Variants in NOS1AP observed in about 807,000 individuals in gnomAD.
The protein encoded by NOS1AP is carboxyl-terminal PDZ ligand of neuronal nitric oxide synthase protein.
A neutral mutation model predicts 56.2 loss-of-function variants in NOS1AP; 21 were observed. The ratio of observed to expected loss-of-function variants is 0.37; its 90% confidence interval spans 0.26 to 0.54. The LOEUF (loss-of-function observed/expected upper bound fraction) is 0.54. Ranked by LOEUF, NOS1AP falls within the 20% of genes least tolerant of loss-of-function variation. The probability of loss-of-function intolerance (pLI) is 0.84; values close to 1 mark genes in which losing one functional copy is unlikely to be tolerated. For synonymous variants in NOS1AP, 270 were observed against 274.6 expected (o/e 0.98, Z 0.17); for missense variants, 522 against 657.8 (o/e 0.79, Z 2.26).
At chr1:162,260,466 G>A (rs745905001) in intron 2 of NOS1AP, among the ~76,000 whole-genome samples, 3 of 152,098 alleles carry the variant, frequency 2.0e-5, no homozygotes, top group South Asian at 2.1e-4. Flanking sequence ...GCTTTGTAAC[G>A]CATGTAATAT....
chr1:162,154,496 C>T lies in NOS1AP; in HGVS notation c.177+20C>T. On this transcript the variant is annotated intron_variant, in intron 2 of 9. Transcript: ENST00000361897. ...ATACGGGTGAGTGGCCAGAGGTGGA[C>T]TGTGTGGAGCGGGGAGTCAAGTGCC... The T allele has an allele frequency of 6.2e-7, 1 of 1,613,032 alleles. No homozygotes were observed. Among genetic ancestry groups the T allele is most frequent in the Non-Finnish European group, 8.5e-7 (1 of 1,179,132 alleles).
At chr1:162,252,723 A>G (rs1653906323) in intron 2 of NOS1AP, among the ~76,000 whole-genome samples, 1 of 152,138 alleles carries the variant, frequency 6.6e-6, no homozygotes, top group Admixed American at 6.5e-5. Flanking sequence ...GCTTTCTCTT[A>G]TATTGGTGTC....
chr1:162,191,471 C>T (rs1347088955), intron 2 of NOS1AP, among the ~76,000 whole-genome samples: 1 of 152,182 alleles, frequency 6.6e-6, no homozygotes, highest in Non-Finnish European at 1.5e-5. Context: ...ACCCATAGAT[C>T]TGAGATTATC....
intron 4 of NOS1AP, among the ~76,000 whole-genome samples, chr1:162,325,198 TG>T (rs1309409123): frequency 6.6e-6 from 1 of 151,720 alleles, no homozygotes; most frequent in Non-Finnish European, 1.5e-5. Flanking sequence ...GTATATACAG[TG>T]GGGGGAAAAT....
At chr1:162,287,493 G>A in intron 3 of NOS1AP, 57 bp downstream of exon 3, 1 of 1,135,656 alleles carries the variant, frequency 8.8e-7, no homozygotes. Context: ...AGGTAGGCAT[G>A]GGGTACCTTC....
At chr1:162,266,258 A>G (rs949364193) in intron 2 of NOS1AP, among the ~76,000 whole-genome samples, 1 of 152,202 alleles carries the variant, frequency 6.6e-6, no homozygotes, top group Non-Finnish European at 1.5e-5. Context: ...TCTGAAACCC[A>G]TGTTCTCAGG....
rs147072309 is a variant in NOS1AP at position 162,125,497 on chromosome 1, G to C, written c.106-28908G>C. ...GTTTCATTCTTCTCTACTTGTGGCT[G>C]TCCAGTTTTCTCAGCATCATTTGTT... is the stretch of plus-strand genomic sequence containing the variant. On this transcript the variant is annotated intron_variant, in intron 1 of 9. Coordinates refer to ENST00000361897, the MANE Select transcript of NOS1AP (RefSeq NM_014697.3). Among the ~76,000 whole-genome samples, 361 of 152,216 alleles carry C rather than the reference G, an allele frequency of 2.4e-3. 3 individuals carry two copies. The highest frequency in any genetic ancestry group is 0.015 in the Admixed American group (225 of 15,272).
chr1:162,296,790 G>A (rs536106851), intron 3 of NOS1AP, among the ~76,000 whole-genome samples: 11 of 152,304 alleles, frequency 7.2e-5, no homozygotes, highest in African/African-American at 2.4e-4. Context: ...CTTTGATGAT[G>A]GAGGCGCATC....
intron 4 of NOS1AP, among the ~76,000 whole-genome samples, chr1:162,319,671 G>A (rs1379679280): frequency 2.0e-5 from 3 of 151,980 alleles, no homozygotes; most frequent in Non-Finnish European, 4.4e-5. Context: ...CCTCCCCACT[G>A]TCCTCAGTGC....
chr1:162,297,879 CT>C (rs1257723417), intron 3 of NOS1AP, among the ~76,000 whole-genome samples: 2 of 152,142 alleles, frequency 1.3e-5, no homozygotes, highest in Non-Finnish European at 2.9e-5. Context: ...TGGCTAGGAA[CT>C]TAGGGACTCA....
At chr1:162,255,453 TA>T in intron 2 of NOS1AP, among the ~76,000 whole-genome samples, 1 of 145,766 alleles carries the variant, frequency 6.9e-6, no homozygotes, top group Non-Finnish European at 1.5e-5. Context: ...TGGCCCAAGG[TA>T]GGGATTTCAG....
At chr1:162,331,808 C>T (rs1656778763) in intron 4 of NOS1AP, among the ~76,000 whole-genome samples, 2 of 152,214 alleles carry the variant, frequency 1.3e-5, no homozygotes, top group Non-Finnish European at 2.9e-5. Flanking sequence ...GCACCGACCC[C>T]ACAGCAGTCA....
intron 2 of NOS1AP, among the ~76,000 whole-genome samples, chr1:162,218,732 G>A (rs1191982748): frequency 6.6e-6 from 1 of 152,148 alleles, no homozygotes; most frequent in African/African-American, 2.4e-5. Context: ...GAGCGGAGGA[G>A]GGTTTCAGGA....
chr1:162,332,845 T>A (rs347306), intron 4 of NOS1AP, among the ~76,000 whole-genome samples, 172 bp from the exon 5 acceptor site: 1 of 152,032 alleles, frequency 6.6e-6, no homozygotes, highest in Admixed American at 6.5e-5. Flanking sequence ...TTGTGGAATC[T>A]GTTGAAAGTG....
At chr1:162,284,135 T>C (rs1655020341) in intron 2 of NOS1AP, among the ~76,000 whole-genome samples, 1 of 152,198 alleles carries the variant, frequency 6.6e-6, no homozygotes, top group South Asian at 2.1e-4. Context: ...ATTCTTGTGG[T>C]TACTCCATTA....
intron 4 of NOS1AP, among the ~76,000 whole-genome samples, chr1:162,305,846 T>C (rs1655807037): frequency 6.6e-6 from 1 of 152,246 alleles, no homozygotes; most frequent in South Asian, 2.1e-4. Context: ...ATAACAGTAA[T>C]TGTTTTTAAT....
intron 2 of NOS1AP, among the ~76,000 whole-genome samples, chr1:162,237,890 A>G (rs1255289471): frequency 7.1e-6 from 1 of 140,086 alleles, no homozygotes; most frequent in Admixed American, 7.3e-5. Flanking sequence ...TGGGAGACAC[A>G]TGAGTCCTTT....
intron 2 of NOS1AP, among the ~76,000 whole-genome samples, chr1:162,166,110 T>G (rs1169531022): frequency 6.6e-6 from 1 of 152,186 alleles, no homozygotes; most frequent in Non-Finnish European, 1.5e-5. Context: ...TTCAATCGTG[T>G]CTCTCCCTAT....
chr1:162,314,162 T>C (rs1656152960), intron 4 of NOS1AP, among the ~76,000 whole-genome samples: 2 of 152,200 alleles, frequency 1.3e-5, no homozygotes, highest in South Asian at 4.1e-4. Context: ...AACCCTTTTG[T>C]ATCTAAAACT....
Sources: gnomAD v4.1 joint callset for allele counts (sites outside exome capture counted in the v4.1 genomes callset) on GRCh38, gnomAD v4.1.1 for gene constraint, MANE v1.5 for transcripts, NCBI Gene and HGNC (gene_info 2026-07-23, HGNC 2026-07-21) for gene names.